CCNT2: variants seen among roughly 807,000 people sequenced by gnomAD.
CCNT2 encodes cyclin-T2.
In CCNT2, 18 loss-of-function variants were observed where a neutral mutation model predicts 70.0. That is an observed-to-expected ratio of 0.26 (90% CI 0.18 to 0.38). The LOEUF (loss-of-function observed/expected upper bound fraction) is 0.38, where lower values mean the gene tolerates loss of function less well. Ranked by LOEUF, CCNT2 falls within the 10% of genes least tolerant of loss-of-function variation. The pLI, the probability that CCNT2 is intolerant of heterozygous loss-of-function variation, is 1.00. For missense variants in CCNT2, 734 were observed against 890.2 expected, an observed-to-expected ratio of 0.82 and a Z score of 2.23; for synonymous variants, 334 against 313.3, an observed-to-expected ratio of 1.07 and a Z score of -0.70.
chr2:134,945,807 T>A, intron 5 of CCNT2: 2 of 1,406,692 alleles, frequency 1.4e-6, no homozygotes, highest in Non-Finnish European at 1.9e-6. Context: ...TATTGCAACT[T>A]TTAGCTGACT....
chr2:134,938,224 C>T (rs1201744400), intron 3 of CCNT2, among the ~76,000 whole-genome samples: 3 of 152,162 alleles, frequency 2.0e-5, no homozygotes, highest in Admixed American at 2.0e-4. Context: ...TAAAAATCAG[C>T]TCAATGACCT....
rs193250896 is a variant in CCNT2 at position 134,932,925 on chromosome 2, A to G, written c.241-3916A>G. On this transcript the variant is annotated intron_variant, in intron 2 of 8. Coordinates refer to ENST00000264157, the MANE Select transcript of CCNT2 (RefSeq NM_058241.3). Reference sequence around the variant, plus strand: ...TCTCCTGAACTATAGCCTTAGCAAGAAAGTTCCAATTTCTGAGCTGTAATA... The same window carrying G: ...TCTCCTGAACTATAGCCTTAGCAAGGAAGTTCCAATTTCTGAGCTGTAATA... Among the ~76,000 whole-genome samples the G allele has an allele frequency of 6.6e-4, 101 of 152,368 alleles. 1 individual carries two copies. The highest frequency in any genetic ancestry group is 2.0e-3 in the Admixed American group (30 of 15,298).
At chr2:134,951,582 TG>T (rs1682507414) in intron 7 of CCNT2, among the ~76,000 whole-genome samples, 1 of 152,170 alleles carries the variant, frequency 6.6e-6, no homozygotes, top group Non-Finnish European at 1.5e-5. Flanking sequence ...GGCTCACACC[TG>T]TAATTCCAGC....
At chr2:134,951,388 G>A (rs1682487972) in intron 7 of CCNT2, among the ~76,000 whole-genome samples, 1 of 152,258 alleles carries the variant, frequency 6.6e-6, no homozygotes, top group African/African-American at 2.4e-5. Flanking sequence ...AACTATTAAT[G>A]ACATTATTAG....
chr2:134,936,363 T>G (rs1307179678), intron 2 of CCNT2, among the ~76,000 whole-genome samples: 2 of 152,110 alleles, frequency 1.3e-5, no homozygotes, highest in Non-Finnish European at 2.9e-5. Flanking sequence ...ATGAATAACT[T>G]TATTAAAACT....
At chr2:134,934,463 C>G (rs955461599) in intron 2 of CCNT2, among the ~76,000 whole-genome samples, 3 of 152,094 alleles carry the variant, frequency 2.0e-5, no homozygotes, top group African/African-American at 4.8e-5. Flanking sequence ...TTTCTGTTAC[C>G]CAAAACATTT....
intron 5 of CCNT2, chr2:134,944,090 A>G (rs1203438550): frequency 1.0e-6 from 1 of 984,494 alleles, no homozygotes; most frequent in Non-Finnish European, 1.2e-6. Flanking sequence ...GTAGTAGCAC[A>G]CGTTATCATT....
intron 2 of CCNT2, among the ~76,000 whole-genome samples, chr2:134,936,155 T>C (rs1681136877): frequency 6.6e-6 from 1 of 151,782 alleles, no homozygotes; most frequent in Non-Finnish European, 1.5e-5. Flanking sequence ...TTTCATCTTT[T>C]TTTTTTTTTT....
chr2:134,930,011 CATATACCGTAAAATCCACCT>C (rs1467932144), intron 2 of CCNT2, among the ~76,000 whole-genome samples: 5 of 151,976 alleles, frequency 3.3e-5, no homozygotes, highest in African/African-American at 1.2e-4. Flanking sequence ...AGATACAATT[CATATACCGTAAAATCCACCT>C]ATTTAGAATG....
intron 4 of CCNT2, among the ~76,000 whole-genome samples, chr2:134,939,534 C>T (rs936874377): frequency 2.6e-4 from 40 of 152,152 alleles, no homozygotes; most frequent in African/African-American, 8.2e-4. Flanking sequence ...GGTGCCATCT[C>T]GGCTCACTGC....
chr2:134,929,979 T>C (rs1680619467), intron 2 of CCNT2, among the ~76,000 whole-genome samples: 2 of 143,524 alleles, frequency 1.4e-5, no homozygotes, highest in African/African-American at 5.1e-5. Context: ...GTTAGCTCCT[T>C]AAAAAAAAAA....
At chr2:134,945,817 T>C in intron 5 of CCNT2, 2 of 1,425,892 alleles carry the variant, frequency 1.4e-6, no homozygotes, top group Non-Finnish European at 1.9e-6. Flanking sequence ...TTTAGCTGAC[T>C]AGATGCTTAA....
At position 134,955,336 on chromosome 2, in the gene CCNT2, G is replaced by C. The variant is rs1682866080; in HGVS notation, c.*688G>C. The C allele has an allele frequency of 6.5e-6, 1 of 152,768 alleles. No individual in the cohort carries two copies. Among genetic ancestry groups the C allele is most frequent in the Non-Finnish European group, 1.5e-5 (1 of 68,152 alleles). 9.5% of individuals were successfully genotyped at this position (152,768 alleles called of 1,614,324 possible). The stretch of plus-strand genomic sequence containing the variant: ...GACACTTCACTACCAGATGTGTGCA[G>C]TGCAACAGATGGTCATATACACTGT... On this transcript the variant is annotated 3_prime_UTR_variant, in exon 9 of 9. Coordinates refer to ENST00000264157, the MANE Select transcript of CCNT2 (RefSeq NM_058241.3).
intron 7 of CCNT2, 136 bp downstream of exon 7, chr2:134,948,035 T>C (rs533242257): frequency 2.1e-5 from 10 of 471,098 alleles, no homozygotes; most frequent in African/African-American, 1.8e-4. Context: ...GAAAAAAAAA[T>C]AGAGTCTGGA....
Position 134,953,411 on chromosome 2 carries a change from A to T in CCNT2, c.956A>T (p.Asn319Ile). 1 of 1,607,036 alleles carries T rather than the reference A, an allele frequency of 6.2e-7. No homozygotes were observed. The highest frequency in any genetic ancestry group is 1.1e-5 in the South Asian group (1 of 90,202). The stretch of plus-strand genomic sequence containing the variant: ...GCGCCAGTACCTCTAAATTCAGGAA[A>T]TATTTCTGTTCAAGACAGCCATACA... ...FPAPVPLNSG[N>I]ISVQDSHTSD... is the part of the protein sequence containing the mutation. Residue 319 changes from asparagine (N) to isoleucine (I), a missense_variant, in exon 9 of 9, where the codon AAT (asparagine) becomes ATT (isoleucine). Asn to Ile is a moderately radical substitution (Grantham distance 149). Around this residue, in one of 3 missense-constraint regions of CCNT2, gnomAD observed 532 missense variants for 556.9 expected, o/e 0.96. Coordinates refer to ENST00000264157, the MANE Select transcript of CCNT2 (RefSeq NM_058241.3).
At chr2:134,948,597 G>T (rs954568612) in intron 7 of CCNT2, among the ~76,000 whole-genome samples, 1 of 152,130 alleles carries the variant, frequency 6.6e-6, no homozygotes, top group African/African-American at 2.4e-5. Context: ...TGGAATTTTG[G>T]GGATGTTTTG....
chr2:134,948,035 T>G lies in CCNT2; in HGVS notation c.703+136T>G, dbSNP rs533242257. On this transcript the variant is annotated intron_variant, in intron 7 of 8. Transcript: ENST00000264157. The stretch of plus-strand genomic sequence containing the variant: ...ATTCATCAGCCTAAAGAAAAAAAAA[T>G]AGAGTCTGGAAGCTGTGCTCATACC... The G allele has an allele frequency of 3.8e-5, 18 of 471,096 alleles. No individual in the cohort carries two copies. The East Asian group carries it at 6.0e-4, about 16-fold the overall frequency. The allele number at this position is 471,096 out of a possible 1,614,324, so 29.2% of individuals were successfully genotyped here.
chr2:134,952,580 T>A (rs1682601648), intron 7 of CCNT2, 61 bp from the exon 8 acceptor site: 1 of 1,005,872 alleles, frequency 9.9e-7, no homozygotes, highest in Non-Finnish European at 1.5e-6. Context: ...TACTGCCCAC[T>A]TAAGAGAAAT....
intron 7 of CCNT2, among the ~76,000 whole-genome samples, chr2:134,949,802 C>CGGG (rs150690024): frequency 0.067 from 3,227 of 48,482 alleles, 67 homozygotes; most frequent in Middle Eastern, 0.087. Flanking sequence ...ATTTTTTTTT[C>CGGG]GGGGGGGGGG....
Sources: allele counts gnomAD v4.1 joint callset (sites outside exome capture counted in the v4.1 genomes callset), GRCh38; gene constraint gnomAD v4.1.1; regional missense constraint gnomAD v4.1.1; transcripts MANE v1.5; gene names NCBI Gene and HGNC (gene_info 2026-07-23, HGNC 2026-07-21).